The following ZNF407 variants were observed in gnomAD, a reference collection of about 807,000 sequenced individuals.
ZNF407 encodes the protein zinc finger protein 407.
In ZNF407, 17 loss-of-function variants were observed where a neutral mutation model predicts 131.2. That is an observed-to-expected ratio of 0.13 (90% CI 0.09 to 0.19). The LOEUF is 0.19. Among genes scored for constraint, ZNF407 ranks in the 10% least tolerant of loss-of-function variants. ZNF407 has a pLI of 1.00. For missense variants in ZNF407, 2,681 were observed against 2,830.6 expected (o/e 0.95, Z 1.20); for synonymous variants, 1,156 against 1,062.0 (o/e 1.09, Z -1.72).
intron 3 of ZNF407, among the ~76,000 whole-genome samples, chr18:74,736,784 A>G (rs1968424690): frequency 6.6e-6 from 1 of 152,194 alleles, no homozygotes; most frequent in African/African-American, 2.4e-5. Context: ...TTTTAAAGTC[A>G]AGAATTATGT....
At chr18:74,641,439 C>T (rs1017753361) in intron 3 of ZNF407, among the ~76,000 whole-genome samples, 1 of 152,108 alleles carries the variant, frequency 6.6e-6, no homozygotes, top group Non-Finnish European at 1.5e-5. Flanking sequence ...TACAAAAATA[C>T]ATAATATAGC....
intron 7 of ZNF407, among the ~76,000 whole-genome samples, chr18:74,909,670 C>A (rs1209068857): frequency 2.0e-5 from 3 of 152,008 alleles, no homozygotes; most frequent in African/African-American, 7.2e-5. Context: ...CTTGTACTTA[C>A]GGTTTTTCTT....
At chr18:74,889,633 G>A (rs1359494922) in intron 6 of ZNF407, among the ~76,000 whole-genome samples, 1 of 152,068 alleles carries the variant, frequency 6.6e-6, no homozygotes, top group African/African-American at 2.4e-5. Context: ...TAAATACAGT[G>A]CTGAACCATC....
At chr18:74,880,915 C>A in intron 5 of ZNF407, 121 bp from the exon 6 acceptor site, 5 of 837,098 alleles carry the variant, frequency 6.0e-6, no homozygotes, top group Non-Finnish European at 9.8e-6. Context: ...ATTTCATTCC[C>A]ATTTGACATA....
intron 8 of ZNF407, among the ~76,000 whole-genome samples, chr18:75,020,324 G>C (rs1324677017): frequency 3.3e-5 from 5 of 149,856 alleles, no homozygotes; most frequent in Non-Finnish European, 7.5e-5. Flanking sequence ...GCATGTGTGT[G>C]TGTGTGTGTG....
chr18:74,931,872 T>C (rs1434910432), intron 8 of ZNF407, among the ~76,000 whole-genome samples: 1 of 152,238 alleles, frequency 6.6e-6, no homozygotes, highest in Non-Finnish European at 1.5e-5. Flanking sequence ...ATACAATATT[T>C]TTCCCCTTTT....
chr18:74,763,900 A>G (rs1969166546), intron 3 of ZNF407, among the ~76,000 whole-genome samples: 1 of 150,836 alleles, frequency 6.6e-6, no homozygotes, highest in Non-Finnish European at 1.5e-5. Flanking sequence ...TTTTTAGTAG[A>G]GACGGGGTTT....
At chr18:75,032,723 G>A (rs1973256448) in intron 8 of ZNF407, among the ~76,000 whole-genome samples, 1 of 150,600 alleles carries the variant, frequency 6.6e-6, no homozygotes, top group African/African-American at 2.5e-5. Context: ...AACTAAGAGT[G>A]CTCGGAATGG....
At chr18:74,847,059 C>T (rs544271901) in intron 4 of ZNF407, among the ~76,000 whole-genome samples, 39 of 152,126 alleles carry the variant, frequency 2.6e-4, no homozygotes, top group African/African-American at 9.2e-4. Flanking sequence ...CAAAATGATT[C>T]TCTTAGGATG....
chr18:74,742,498 G>T (rs1968572153), intron 3 of ZNF407, among the ~76,000 whole-genome samples: 1 of 152,154 alleles, frequency 6.6e-6, no homozygotes, highest in Admixed American at 6.5e-5. Flanking sequence ...ATTTTTCAGA[G>T]ATAGTTTGAA....
rs79501655 is a variant in ZNF407 at position 74,730,380 on chromosome 18, G to A, written c.4803-51048G>A. ...GCCATCCTCTTTAAAAAATTAGCACGATGACAGGTCATTTAACCCCTTCCT... is the reference window on the plus strand; with the variant it reads ...GCCATCCTCTTTAAAAAATTAGCACAATGACAGGTCATTTAACCCCTTCCT... On this transcript the variant is annotated intron_variant, in intron 3 of 8. Transcript: ENST00000299687. 5.9e-3 allele frequency among the ~76,000 whole-genome samples: 897 copies of A among 152,254 alleles called. 7 individuals are homozygous for A. Among genetic ancestry groups the A allele is most frequent in the African/African-American group, 0.021 (862 of 41,566 alleles).
At chr18:74,602,344 A>G (rs1266589763) in intron 1 of ZNF407, among the ~76,000 whole-genome samples, 1 of 152,104 alleles carries the variant, frequency 6.6e-6, no homozygotes, top group Admixed American at 6.5e-5. Flanking sequence ...TTTAAGTGTC[A>G]TTTTTCCTTT....
rs562409968 is a variant in ZNF407, at chr18:74,982,270, T to C, written c.5428+61578T>C. Among the ~76,000 whole-genome samples the C allele has an allele frequency of 4.6e-5, 7 of 152,350 alleles. No individual in the cohort carries two copies. The South Asian group carries it at 1.2e-3, about 27-fold the overall frequency. ...TTAACCTTTTCTACACAGCGTCCTA[T>C]TGAAGACAATCTAACCTTAAAGCCC... On this transcript the variant is annotated intron_variant, in intron 8 of 8. Coordinates refer to ENST00000299687, the MANE Select transcript of ZNF407 (RefSeq NM_017757.3).
At chr18:74,928,341 G>C (rs997540588) in intron 8 of ZNF407, among the ~76,000 whole-genome samples, 1 of 152,168 alleles carries the variant, frequency 6.6e-6, no homozygotes, top group Admixed American at 6.5e-5. Context: ...TTAAGATAAG[G>C]GGGATTGTAG....
At chr18:74,623,083 T>G (rs1337223408) in intron 1 of ZNF407, among the ~76,000 whole-genome samples, 1 of 151,630 alleles carries the variant, frequency 6.6e-6, no homozygotes, top group African/African-American at 2.4e-5. Flanking sequence ...TGTATCTGTA[T>G]CAGTGTGTGA....
intron 2 of ZNF407, among the ~76,000 whole-genome samples, chr18:74,639,036 C>T (rs1326218065): frequency 6.6e-6 from 1 of 152,170 alleles, no homozygotes; most frequent in African/African-American, 2.4e-5. Flanking sequence ...GTCAAGGCCT[C>T]CATGATTCTG....
intron 4 of ZNF407, among the ~76,000 whole-genome samples, chr18:74,814,149 T>G (rs893465021): frequency 6.6e-6 from 1 of 152,196 alleles, no homozygotes; most frequent in African/African-American, 2.4e-5. Flanking sequence ...TGTTTTTGTT[T>G]TTAAGATACA....
intron 7 of ZNF407, among the ~76,000 whole-genome samples, chr18:74,910,282 C>T (rs1176689137): frequency 6.6e-6 from 1 of 152,004 alleles, no homozygotes; most frequent in Non-Finnish European, 1.5e-5. Flanking sequence ...CAAAGTAATA[C>T]GTTATTTTAA....
chr18:74,722,677 C>G (rs1216425069), intron 3 of ZNF407, among the ~76,000 whole-genome samples: 1 of 152,186 alleles, frequency 6.6e-6, no homozygotes, highest in African/African-American at 2.4e-5. Context: ...GCAGGCACCC[C>G]TCCCACCAGC....
Sources: allele counts gnomAD v4.1 joint callset (sites outside exome capture counted in the v4.1 genomes callset), GRCh38; gene constraint gnomAD v4.1.1; transcripts MANE v1.5; gene names NCBI Gene and HGNC (gene_info 2026-07-23, HGNC 2026-07-21).